PRR16: variants seen among roughly 807,000 people sequenced by gnomAD.
The protein encoded by PRR16 is proline rich 16, also known as protein Largen.
PRR16 carries 6 observed loss-of-function variants against 18.2 expected under a neutral mutation model. The ratio of observed to expected loss-of-function variants is 0.33; its 90% CI spans 0.18 to 0.65. The LOEUF (loss-of-function observed/expected upper bound fraction) is 0.65. Ranked by LOEUF, PRR16 falls within the 30% of genes least tolerant of loss-of-function variation. PRR16 has a pLI of 0.74. For missense variants in PRR16, 412 were observed against 376.6 expected (o/e 1.09, Z -0.78); for synonymous variants, 151 against 147.8 (o/e 1.02, Z -0.16).
chr5:120,758,731 C>G, the PRR16 span, among the ~76,000 whole-genome samples: 1 of 152,008 alleles, frequency 6.6e-6, no homozygotes, highest in African/African-American at 2.4e-5. Context: ...TGAGACCTCC[C>G]CAGCCATGCA....
chr5:120,524,471 G>C (rs1411123240), intron 1 of PRR16, among the ~76,000 whole-genome samples: 1 of 151,936 alleles, frequency 6.6e-6, no homozygotes, highest in Admixed American at 6.6e-5. Context: ...AAACTATTAT[G>C]TTGACAATTC....
At chr5:120,717,973 T>A in the PRR16 span, among the ~76,000 whole-genome samples, 6 of 152,152 alleles carry the variant, frequency 3.9e-5, no homozygotes, top group Non-Finnish European at 8.8e-5. Flanking sequence ...TCTGCTTTTT[T>A]CCCTCCTCAA....
chr5:120,715,563 A>T, the PRR16 span, among the ~76,000 whole-genome samples: 1 of 152,234 alleles, frequency 6.6e-6, no homozygotes, highest in Non-Finnish European at 1.5e-5. Context: ...CAAACTCCTT[A>T]TCAATGCTAT....
intron 1 of PRR16, among the ~76,000 whole-genome samples, chr5:120,587,198 A>G (rs1753477206): frequency 6.6e-6 from 1 of 152,228 alleles, no homozygotes; most frequent in Non-Finnish European, 1.5e-5. Flanking sequence ...TGGTTTTATC[A>G]TGGGGATAAG....
At chr5:120,489,741 C>G (rs145470272) in intron 1 of PRR16, among the ~76,000 whole-genome samples, 10,051 of 152,146 alleles carry the variant, frequency 0.066, 757 homozygotes, top group African/African-American at 0.19. Context: ...CAGTTTCTTC[C>G]TAGCCTCGAT....
chr5:120,534,255 A>T (rs558297190), intron 1 of PRR16, among the ~76,000 whole-genome samples: 1 of 152,352 alleles, frequency 6.6e-6, no homozygotes, highest in East Asian at 1.9e-4. Context: ...AGAGGGTCAA[A>T]GATTGAGTCT....
At chr5:120,480,097 G>T (rs764440809) in intron 1 of PRR16, among the ~76,000 whole-genome samples, 2 of 152,088 alleles carry the variant, frequency 1.3e-5, no homozygotes, top group African/African-American at 2.4e-5. Context: ...GTATGCCCTT[G>T]GGGAAACTAA....
chr5:120,777,248 A>G, the PRR16 span, among the ~76,000 whole-genome samples: 5 of 152,134 alleles, frequency 3.3e-5, no homozygotes, highest in South Asian at 2.1e-4. Flanking sequence ...TATTTATTCA[A>G]TCTACTTATT....
At chr5:120,732,920 G>C in the PRR16 span, among the ~76,000 whole-genome samples, 265 of 152,292 alleles carry the variant, frequency 1.7e-3, 1 homozygote, top group African/African-American at 6.1e-3. Context: ...CAGAGTAAGA[G>C]ATGACATGTC....
intron 1 of PRR16, among the ~76,000 whole-genome samples, chr5:120,664,381 C>A (rs1756286684): frequency 6.6e-6 from 1 of 151,720 alleles, no homozygotes; most frequent in Non-Finnish European, 1.5e-5. Context: ...GTGCTGCAAC[C>A]CTGGGAAGCA....
chr5:120,602,673 C>G (rs1302231703), intron 1 of PRR16, among the ~76,000 whole-genome samples: 1 of 151,964 alleles, frequency 6.6e-6, no homozygotes, highest in Non-Finnish European at 1.5e-5. Flanking sequence ...AGCTTTTGCC[C>G]ATTGATTATG....
the PRR16 span, among the ~76,000 whole-genome samples, chr5:120,787,412 T>C: frequency 6.6e-6 from 1 of 152,130 alleles, no homozygotes; most frequent in African/African-American, 2.4e-5. Context: ...TCAGTGATAT[T>C]TTAAAATACA....
chr5:120,507,486 C>T (rs530455389), intron 1 of PRR16, among the ~76,000 whole-genome samples: 2 of 152,100 alleles, frequency 1.3e-5, no homozygotes, highest in Non-Finnish European at 2.9e-5. Context: ...GATGGAGTAC[C>T]TCATCAATTT....
the PRR16 span, among the ~76,000 whole-genome samples, chr5:120,708,384 A>G: frequency 6.6e-6 from 1 of 152,238 alleles, no homozygotes; most frequent in Non-Finnish European, 1.5e-5. Context: ...CAACTTTTCA[A>G]TAGAGTGGTG....
chr5:120,562,272 A>G (rs998745819), intron 1 of PRR16, among the ~76,000 whole-genome samples: 6 of 151,530 alleles, frequency 4.0e-5, no homozygotes, highest in African/African-American at 1.2e-4. Flanking sequence ...CTTGAAATCT[A>G]TTTTTTCTGA....
chr5:120,737,179 C>A, the PRR16 span, among the ~76,000 whole-genome samples: 4,925 of 152,166 alleles, frequency 0.032, 208 homozygotes, highest in African/African-American at 0.095. Context: ...AATGGACATC[C>A]TTGCTTTAGT....
At chr5:120,471,024 G>A (rs191611865) in intron 1 of PRR16, among the ~76,000 whole-genome samples, 95 of 152,210 alleles carry the variant, frequency 6.2e-4, no homozygotes, top group Middle Eastern at 3.4e-3. Flanking sequence ...CAGCAGCAGC[G>A]TATGTATGGA....
chr5:120,586,078 C>G (rs967633710), intron 1 of PRR16, among the ~76,000 whole-genome samples: 2 of 151,472 alleles, frequency 1.3e-5, no homozygotes, highest in Non-Finnish European at 2.9e-5. Flanking sequence ...GAGACTGAGA[C>G]AGGAGAATCA....
At chr5:120,631,175 T>C (rs7733858) in intron 1 of PRR16, among the ~76,000 whole-genome samples, 63,938 of 151,770 alleles carry the variant, frequency 0.42, 14,363 homozygotes, top group East Asian at 0.86. Context: ...GACAGTAAAA[T>C]AAGAGTTGAT....
Sources: allele counts gnomAD v4.1 joint callset (sites outside exome capture counted in the v4.1 genomes callset), GRCh38; gene constraint gnomAD v4.1.1; transcripts MANE v1.5; gene names NCBI Gene and HGNC (gene_info 2026-07-23, HGNC 2026-07-21).